Variants in CDC42SE2 observed in about 807,000 individuals in gnomAD.
CDC42SE2 encodes CDC42 small effector protein 2.
In CDC42SE2, 3 loss-of-function variants were observed where a neutral mutation model predicts 11.5. The observed-to-expected ratio is 0.26, with a 90% CI of 0.12 to 0.67. CDC42SE2 has a LOEUF of 0.67. Among genes scored for constraint, CDC42SE2 ranks in the 30% least tolerant of loss-of-function variants. The pLI is 0.80. For synonymous variants in CDC42SE2, 33 were observed against 34.8 expected (o/e 0.95, Z 0.18); for missense variants, 82 against 106.8 (o/e 0.77, Z 1.02).
chr5:131,373,977 C>T (rs1387414860), intron 3 of CDC42SE2, among the ~76,000 whole-genome samples: 3 of 151,884 alleles, frequency 2.0e-5, no homozygotes, highest in Non-Finnish European at 1.5e-5. Context: ...GATGATCAAC[C>T]CAGGAAGTAC....
chr5:131,363,223 A>T (rs546358870), intron 3 of CDC42SE2, among the ~76,000 whole-genome samples: 1 of 151,818 alleles, frequency 6.6e-6, no homozygotes, highest in African/African-American at 2.4e-5. Context: ...AATACTGGTC[A>T]GCTTCTAAGG....
intron 1 of CDC42SE2, among the ~76,000 whole-genome samples, chr5:131,282,833 A>G (rs935289474): frequency 5.4e-5 from 8 of 147,108 alleles, no homozygotes; most frequent in East Asian, 2.0e-4. Flanking sequence ...GTTTCACCAT[A>G]TTAGCCAGGA....
intron 1 of CDC42SE2, among the ~76,000 whole-genome samples, chr5:131,284,501 C>T (rs1362752664): frequency 6.6e-6 from 1 of 152,110 alleles, no homozygotes; most frequent in Non-Finnish European, 1.5e-5. Context: ...TTTTCTTAGT[C>T]TCCTCTGTTG....
At chr5:131,322,609 G>A (rs911454132) in intron 2 of CDC42SE2, among the ~76,000 whole-genome samples, 6 of 152,178 alleles carry the variant, frequency 3.9e-5, no homozygotes, top group Non-Finnish European at 7.3e-5. Flanking sequence ...AGTCTTGTAA[G>A]TAGCTGGAAG....
At chr5:131,357,570 T>G (rs997403130) in intron 2 of CDC42SE2, among the ~76,000 whole-genome samples, 13 of 152,322 alleles carry the variant, frequency 8.5e-5, no homozygotes, top group African/African-American at 2.9e-4. Flanking sequence ...TTGGCAAAGC[T>G]TATAAATGTG....
intron 1 of CDC42SE2, among the ~76,000 whole-genome samples, chr5:131,264,674 C>A (rs1286293224): frequency 1.3e-5 from 2 of 152,212 alleles, no homozygotes; most frequent in Non-Finnish European, 2.9e-5. Flanking sequence ...GCGGTTCGCC[C>A]CGGGCCCCGG....
At chr5:131,350,936 ATTATTTTATT>A (rs370789354) in intron 2 of CDC42SE2, among the ~76,000 whole-genome samples, 1 of 151,872 alleles carries the variant, frequency 6.6e-6, no homozygotes, top group South Asian at 2.1e-4. Flanking sequence ...ATGTTACTCA[ATTATTTTATT>A]TTATTTTATT....
At chr5:131,240,218 T>C in the CDC42SE2 span, among the ~76,000 whole-genome samples, 2 of 152,260 alleles carry the variant, frequency 1.3e-5, no homozygotes, top group Admixed American at 1.3e-4. Flanking sequence ...ATTTTTGTTA[T>C]GTTTTGTCTT....
In CDC42SE2 at chr5:131,394,364, T is replaced by C. The variant is rs1316568559; in HGVS notation, c.*3273T>C. ...CGTAGAGCGGAAATGTTGACTTTAG[T>C]TAACATTGGGTTTAGCATTTCCAGT... On this transcript the variant is annotated 3_prime_UTR_variant, in exon 5 of 5. Transcript: ENST00000505065. The C allele has an allele frequency of 6.6e-6, 1 of 152,358 alleles. No homozygotes were observed. Among genetic ancestry groups the C allele is most frequent in the Non-Finnish European group, 1.5e-5 (1 of 68,044 alleles). The allele number at this position is 152,358 out of a possible 1,614,324, so 9.4% of individuals were successfully genotyped here. A position where few individuals can be genotyped will look rare whatever the true frequency, so the allele number is the denominator to read the frequency against.
the CDC42SE2 span, among the ~76,000 whole-genome samples, chr5:131,226,944 CTAAG>C: frequency 6.6e-6 from 1 of 152,122 alleles, no homozygotes; most frequent in African/African-American, 2.4e-5. Flanking sequence ...CATACAATTA[CTAAG>C]TAAGACTATT....
intron 1 of CDC42SE2, among the ~76,000 whole-genome samples, chr5:131,315,382 A>G (rs1302169933): frequency 1.3e-5 from 2 of 152,192 alleles, no homozygotes; most frequent in African/African-American, 2.4e-5. Context: ...GGCTGTGACA[A>G]TACTAAAATG....
intron 2 of CDC42SE2, among the ~76,000 whole-genome samples, chr5:131,329,714 A>G (rs988799904): frequency 6.6e-6 from 1 of 151,598 alleles, no homozygotes; most frequent in African/African-American, 2.4e-5. Context: ...CCCCATCTCT[A>G]CTAAAAATAC....
chr5:131,245,829 T>C (rs949972278), intron 1 of CDC42SE2, among the ~76,000 whole-genome samples: 2 of 152,358 alleles, frequency 1.3e-5, no homozygotes, highest in East Asian at 1.9e-4. Flanking sequence ...TCTTTAACCA[T>C]AAACTTGACT....
Position 131,359,544 on chromosome 5 carries a change from G to T in CDC42SE2, c.51G>T (p.Gln17His). 6.2e-7 allele frequency: 1 copy of T among 1,611,348 alleles called. No individual in the cohort carries two copies. The highest frequency in any genetic ancestry group is 8.5e-7 in the Non-Finnish European group (1 of 1,177,504). ...ACTGCTGTATTGCAGAACAGCCTCA[G>T]CCTGTAAGTATGAAGTATGTGGACA... ...CFNCCIAEQP[Q>H]PKRRRRIDRS... Residue 17 changes from glutamine (Q) to histidine (H), a missense_variant, in exon 3 of 5, where the codon CAG becomes CAT. Physicochemically the swap from Gln to His is conservative, Grantham distance 24. Coordinates refer to ENST00000505065, the MANE Select transcript of CDC42SE2 (RefSeq NM_001375635.1).
intron 2 of CDC42SE2, among the ~76,000 whole-genome samples, chr5:131,323,547 GTTTTTTTTT>G (rs1171213231): frequency 1.3e-3 from 104 of 82,586 alleles, no homozygotes; most frequent in South Asian, 0.011. Flanking sequence ...TCTCTCTCTG[GTTTTTTTTT>G]TTTTTTTTTT....
At chr5:131,313,369 T>A (rs1175646888) in intron 1 of CDC42SE2, among the ~76,000 whole-genome samples, 1 of 152,208 alleles carries the variant, frequency 6.6e-6, no homozygotes, top group African/African-American at 2.4e-5. Flanking sequence ...ATAGCAGAAA[T>A]TAGTATTTGA....
At chr5:131,337,665 A>T (rs984379229) in intron 2 of CDC42SE2, among the ~76,000 whole-genome samples, 1 of 152,210 alleles carries the variant, frequency 6.6e-6, no homozygotes, top group African/African-American at 2.4e-5. Context: ...AGCCTGAGCA[A>T]TGGCGGGCAC....
chr5:131,334,917 A>G (rs544510428), intron 2 of CDC42SE2, among the ~76,000 whole-genome samples: 47 of 150,792 alleles, frequency 3.1e-4, no homozygotes, highest in African/African-American at 1.1e-3. Context: ...AAAAACACCA[A>G]CTCCTGGATT....
chr5:131,334,255 C>T (rs1293204015), intron 2 of CDC42SE2, among the ~76,000 whole-genome samples: 1 of 152,056 alleles, frequency 6.6e-6, no homozygotes, highest in Non-Finnish European at 1.5e-5. Flanking sequence ...TTTTTGTATG[C>T]TGGATTACGT....
Sources: gnomAD v4.1 joint callset for allele counts (sites outside exome capture counted in the v4.1 genomes callset) on GRCh38, gnomAD v4.1.1 for gene constraint, MANE v1.5 for transcripts, NCBI Gene and HGNC (gene_info 2026-07-23, HGNC 2026-07-21) for gene names.